PAGE4: variants seen among roughly 807,000 people sequenced by gnomAD.
PAGE4 encodes P antigen family member 4.
Under a neutral mutation model 8.5 loss-of-function variants are expected in PAGE4, and 1 was observed. The ratio of observed to expected loss-of-function variants is 0.12; its 90% confidence interval spans 0.04 to 0.56. The LOEUF is 0.56. Ranked by LOEUF, PAGE4 falls within the 20% of genes least tolerant of loss-of-function variation. The pLI, the probability that PAGE4 is intolerant of heterozygous loss-of-function variation, is 0.91. For missense variants in PAGE4, 93 were observed against 82.7 expected (o/e 1.13, Z -0.49); for synonymous variants, 26 against 26.3 (o/e 0.99, Z 0.04).
At chrX:49,831,168 T>C (rs1000298716) in intron 3 of PAGE4, 84 bp downstream of exon 3, 2 of 642,606 alleles carry the variant, frequency 3.1e-6, no homozygotes, top group African/African-American at 2.3e-5. Context: ...CCCCTAAAAA[T>C]TGGCTGGAAA....
At chrX:49,830,678 T>C (rs1923448274) in intron 2 of PAGE4, 172 bp downstream of exon 2, 9 of 443,436 alleles carry the variant, frequency 2.0e-5, no homozygotes, top group Non-Finnish European at 2.7e-5. Flanking sequence ...TATTTTCTGA[T>C]ATTGTCTGCA....
rs76949620 is a variant in PAGE4 at position 49,834,075 on chromosome X, T to A, written c.*213T>A. 5.4e-6 allele frequency: 2 copies of A among 372,545 alleles called. No individual in the cohort carries two copies. The highest frequency in any genetic ancestry group is 9.4e-6 in the Non-Finnish European group (2 of 213,030). The allele number at this position is 372,545 out of a possible 1,213,427, so 30.7% of individuals were successfully genotyped here. A position where few individuals can be genotyped will look rare whatever the true frequency, so the allele number is the denominator to read the frequency against. ...TGTTTAGAGCTGGTATATATTTTTG[T>A]ATACTGATTTTGTGTTGGGCAACAT... On this transcript the variant is annotated 3_prime_UTR_variant, in exon 5 of 5. Coordinates refer to ENST00000218068, the MANE Select transcript of PAGE4 (RefSeq NM_007003.4).
chrX:49,833,967 G>A lies in PAGE4; in HGVS notation c.*105G>A. 5.6e-6 allele frequency: 3 copies of A among 538,448 alleles called. No homozygotes were observed. The highest frequency in any genetic ancestry group is 9.4e-6 in the Non-Finnish European group (3 of 318,944). The allele number at this position is 538,448 out of a possible 1,213,427, so 44.4% of individuals were successfully genotyped here. ...CAATAAAGTTTGAGTTTTCTCTGAA[G>A]AAGTCATGCGTGTCTTTTGTAAAAT... is the stretch of plus-strand genomic sequence containing the variant. On this transcript the variant is annotated 3_prime_UTR_variant, in exon 5 of 5. Transcript: ENST00000218068.
At chrX:49,831,198 T>G (rs1557156582) in intron 3 of PAGE4, 114 bp downstream of exon 3, 1 of 507,616 alleles carries the variant, frequency 2.0e-6, no homozygotes, top group African/African-American at 2.5e-5. Context: ...TAATCCTTGG[T>G]AAGGGAATAG....
In PAGE4 at chrX:49,833,859, A is replaced by G. The variant is rs782602468; in HGVS notation, c.306A>G (p.Pro102=). ...TTTATATTTTAGGAGATGGGCAGCC[A>G]TAAGTTAAAAAGAAGACAAGCTGAA... ...AKTKEAGDGQ[P] is the part of the protein sequence containing the mutation. The change falls in exon 5 of 5, where the codon CCA becomes CCG. Residue 102 remains proline (P), a synonymous_variant. Transcript: ENST00000218068. 8.4e-7 allele frequency: 1 copy of G among 1,185,545 alleles called. No homozygotes were observed. Among genetic ancestry groups the G allele is most frequent in the East Asian group, 3.0e-5 (1 of 33,649 alleles).
At chrX:49,832,423 T>C (rs1196009577) in intron 3 of PAGE4, 102 bp from the exon 4 acceptor site, 9 of 499,026 alleles carry the variant, frequency 1.8e-5, no homozygotes, top group Non-Finnish European at 2.6e-5. Flanking sequence ...ATTGCACTCA[T>C]GCATCACATT....
Position 49,830,412 on chromosome X carries a change from A to ATCT in PAGE4, c.-13_-11dup. 8.6e-7 allele frequency: 1 copy of ATCT among 1,157,737 alleles called. No individual in the cohort carries two copies. The highest frequency in any genetic ancestry group is 1.2e-6 in the Non-Finnish European group (1 of 852,785). ...TTTTTATTGCAGTCTTCAGTTCACG[A>ATCT]TCTTCTAGTTGCAGCGATGAGTGCA... On this transcript the variant is annotated 5_prime_UTR_variant, in exon 2 of 5. Coordinates refer to ENST00000218068, the MANE Select transcript of PAGE4 (RefSeq NM_007003.4).
In PAGE4 at chrX:49,832,516, T is replaced by G; in HGVS notation, c.167-9T>G. The G allele has an allele frequency of 8.8e-7, 1 of 1,133,455 alleles. No individual in the cohort carries two copies. 93.4% of individuals were successfully genotyped at this position (1,133,455 alleles called of 1,213,427 possible). A position where few individuals can be genotyped will look rare whatever the true frequency, so the allele number is the denominator to read the frequency against. ...TTACTTATATCAATAACTTTTTTAT[T>G]TATATAAGAACGTAAAGTAGAAGGT... On this transcript the variant is annotated splice_polypyrimidine_tract_variant and intron_variant, in intron 3 of 4. Transcript: ENST00000218068.
Position 49,834,023 on chromosome X carries a change from T to C in PAGE4, c.*161T>C, listed in dbSNP as rs1923554546. The C allele has an allele frequency of 4.6e-6, 2 of 436,797 alleles. No homozygotes were observed. Among genetic ancestry groups the C allele is most frequent in the Non-Finnish European group, 8.1e-6 (2 of 247,238 alleles). The allele number at this position is 436,797 out of a possible 1,213,427, so 36.0% of individuals were successfully genotyped here. On this transcript the variant is annotated 3_prime_UTR_variant, in exon 5 of 5. Coordinates refer to ENST00000218068, the MANE Select transcript of PAGE4 (RefSeq NM_007003.4). ...CCTAGGAAATTGACACTATTGTAAA[T>C]GGTATCTTTAAAAAATCCTTGTGTT... is the stretch of plus-strand genomic sequence containing the variant.
Position 49,831,052 on chromosome X carries a change from G to A in PAGE4, c.134G>A (p.Gly45Glu), listed in dbSNP as rs1557156534. The A allele has an allele frequency of 8.4e-7, 1 of 1,187,536 alleles. No homozygotes were observed. Among genetic ancestry groups the A allele is most frequent in the South Asian group, 1.9e-5 (1 of 52,651 alleles). The change falls in exon 3 of 5, where the codon GGA becomes GAA. Residue 45 changes from glycine (G) to glutamate (E), a missense_variant. Physicochemically the swap from Gly to Glu is moderately conservative, Grantham distance 98. Coordinates refer to ENST00000218068, the MANE Select transcript of PAGE4 (RefSeq NM_007003.4). ...PPTDNQDIEPGQEREGTPPIE... is the reference protein window; with the variant it reads ...PPTDNQDIEPEQEREGTPPIE... ...ACTGACAATCAGGATATTGAACCTG[G>A]ACAAGAGAGAGAAGGAACACCTCCG...
rs113409241 is a variant in PAGE4, at chrX:49,833,885, G to A, written c.*23G>A. ...TAAGTTAAAAAGAAGACAAGCTGAA[G>A]CTACACACATGGCTGATGTCACATT... On this transcript the variant is annotated 3_prime_UTR_variant, in exon 5 of 5. Coordinates refer to ENST00000218068, the MANE Select transcript of PAGE4 (RefSeq NM_007003.4). 8.8e-6 allele frequency: 10 copies of A among 1,140,812 alleles called. No individual in the cohort carries two copies. The highest frequency in any genetic ancestry group is 5.3e-5 in the African/African-American group (3 of 56,448). 94.0% of individuals were successfully genotyped at this position (1,140,812 alleles called of 1,213,427 possible). A position where few individuals can be genotyped will look rare whatever the true frequency, so the allele number is the denominator to read the frequency against.
intron 3 of PAGE4, among the ~76,000 whole-genome samples, chrX:49,832,075 A>G (rs1449162551): frequency 2.7e-5 from 3 of 111,914 alleles, no homozygotes; most frequent in Non-Finnish European, 3.8e-5. Context: ...CTAGAATCCA[A>G]ACCAATTGTT....
At chrX:49,830,240 C>T (rs1351686489) in intron 1 of PAGE4, 159 bp from the exon 2 acceptor site, 2 of 365,814 alleles carry the variant, frequency 5.5e-6, no homozygotes, top group African/African-American at 5.2e-5. Flanking sequence ...GTGGAAGAAA[C>T]AAAGCAGTTT....
intron 2 of PAGE4, chrX:49,830,752 A>T (rs1377234458): frequency 9.3e-6 from 4 of 428,512 alleles, no homozygotes. Context: ...ATTAATAAAT[A>T]ATACAGCCCA....
intron 2 of PAGE4, 128 bp from the exon 3 acceptor site, chrX:49,830,869 T>C (rs1602882111): frequency 4.1e-6 from 2 of 491,508 alleles, no homozygotes; most frequent in African/African-American, 4.8e-5. Flanking sequence ...ACAGAGAAGA[T>C]AGGAAAAACC....
At chrX:49,832,927 G>A (rs1164986425) in intron 4 of PAGE4, among the ~76,000 whole-genome samples, 2 of 111,276 alleles carry the variant, frequency 1.8e-5, no homozygotes, top group Non-Finnish European at 3.8e-5. Flanking sequence ...ATACCCCAGG[G>A]GCAATTGGGT....
chrX:49,832,714 C>A, intron 4 of PAGE4, 64 bp downstream of exon 4: 1 of 940,492 alleles, frequency 1.1e-6, no homozygotes, highest in South Asian at 2.3e-5. Flanking sequence ...ACTTTAATAA[C>A]AAGTCTCGCA....
intron 4 of PAGE4, among the ~76,000 whole-genome samples, chrX:49,833,299 C>G (rs1333134707): frequency 9.0e-6 from 1 of 111,648 alleles, no homozygotes; most frequent in African/African-American, 3.3e-5. Flanking sequence ...GACAAATGGC[C>G]ACCCTGGTAT....
intron 3 of PAGE4, 68 bp from the exon 4 acceptor site, chrX:49,832,457 C>T (rs1324041540): frequency 1.3e-6 from 1 of 745,480 alleles, no homozygotes; most frequent in African/African-American, 2.2e-5. Context: ...GCCTACAGAG[C>T]TTTATTTAAT....
Sources: gnomAD v4.1 joint callset for allele counts (sites outside exome capture counted in the v4.1 genomes callset) on GRCh38, gnomAD v4.1.1 for gene constraint, MANE v1.5 for transcripts, NCBI Gene and HGNC (gene_info 2026-07-23, HGNC 2026-07-21) for gene names.